Variants in FBXW4 observed in about 807,000 individuals in gnomAD.
The protein encoded by FBXW4 is F-box/WD repeat-containing protein 4.
FBXW4 carries 40 observed loss-of-function variants against 61.8 expected under a neutral mutation model. That is an observed-to-expected ratio of 0.65 (90% confidence interval 0.50 to 0.84). FBXW4 has a LOEUF of 0.84. Among genes scored for constraint, FBXW4 ranks in the 40% least tolerant of loss-of-function variants. The probability of loss-of-function intolerance (pLI) is 0.00; values close to 1 mark genes in which losing one functional copy is unlikely to be tolerated. For synonymous variants in FBXW4, 311 were observed against 313.8 expected (o/e 0.99, Z 0.10); for missense variants, 672 against 753.8 (o/e 0.89, Z 1.27).
intron 5 of FBXW4, among the ~76,000 whole-genome samples, chr10:101,658,360 C>T (rs2064210334): frequency 6.6e-6 from 1 of 152,190 alleles, no homozygotes; most frequent in African/African-American, 2.4e-5. Flanking sequence ...GCCTGCCCAA[C>T]ATGGTGAAAC....
At chr10:101,674,093 G>A (rs1269111873) in intron 2 of FBXW4, among the ~76,000 whole-genome samples, 1 of 152,058 alleles carries the variant, frequency 6.6e-6, no homozygotes, top group African/African-American at 2.4e-5. Context: ...ACTTTGGGAG[G>A]CCAAGGTGGG....
chr10:101,683,840 G>A (rs1428702576), intron 1 of FBXW4, among the ~76,000 whole-genome samples: 1 of 152,148 alleles, frequency 6.6e-6, no homozygotes, highest in African/African-American at 2.4e-5. Flanking sequence ...TGCTGATTTG[G>A]AAGGAAACTC....
chr10:101,657,277 G>A (rs373939687), intron 5 of FBXW4, among the ~76,000 whole-genome samples: 69 of 152,260 alleles, frequency 4.5e-4, no homozygotes, highest in African/African-American at 1.6e-3. Flanking sequence ...GAGGGATTTC[G>A]TCTGAGGCAC....
intron 1 of FBXW4, among the ~76,000 whole-genome samples, chr10:101,689,084 G>T (rs2064562060): frequency 1.3e-5 from 2 of 151,150 alleles, no homozygotes; most frequent in South Asian, 4.2e-4. Flanking sequence ...GTCAGTTGGG[G>T]ATTTCAGCAG....
At chr10:101,691,849 G>A (rs1190857100) in intron 1 of FBXW4, among the ~76,000 whole-genome samples, 1 of 151,998 alleles carries the variant, frequency 6.6e-6, no homozygotes, top group Non-Finnish European at 1.5e-5. Flanking sequence ...GAAGTCCCAA[G>A]GAACCATTAT....
At chr10:101,682,431 A>T (rs1388669596) in intron 1 of FBXW4, among the ~76,000 whole-genome samples, 1 of 152,146 alleles carries the variant, frequency 6.6e-6, no homozygotes, top group Non-Finnish European at 1.5e-5. Context: ...AAAAAAAAAT[A>T]GACTTCCCTG....
chr10:101,667,625 T>G (rs1259346715), intron 5 of FBXW4, among the ~76,000 whole-genome samples: 1 of 152,228 alleles, frequency 6.6e-6, no homozygotes, highest in African/African-American at 2.4e-5. Flanking sequence ...GGACTCTTAG[T>G]TATATTCTCA....
chr10:101,679,301 C>T (rs1218227305), intron 1 of FBXW4, among the ~76,000 whole-genome samples: 1 of 152,202 alleles, frequency 6.6e-6, no homozygotes. Flanking sequence ...TAATGTGGTG[C>T]TCACAATATG....
chr10:101,631,658 C>T (rs537228610), intron 5 of FBXW4, among the ~76,000 whole-genome samples: 40 of 148,852 alleles, frequency 2.7e-4, no homozygotes, highest in Non-Finnish European at 4.1e-4. Context: ...GACAGAGTCT[C>T]GCTCTGTCGC....
At chr10:101,683,011 A>G (rs1193523645) in intron 1 of FBXW4, among the ~76,000 whole-genome samples, 2 of 152,172 alleles carry the variant, frequency 1.3e-5, no homozygotes, top group African/African-American at 4.8e-5. Context: ...CACCTGAAAA[A>G]TCCAAAGAAA....
chr10:101,687,653 A>G (rs1164860290), intron 1 of FBXW4, among the ~76,000 whole-genome samples: 1 of 152,066 alleles, frequency 6.6e-6, no homozygotes, highest in Admixed American at 6.6e-5. Context: ...ATAATTTCCC[A>G]TCCCTGCCCA....
At chr10:101,666,209 C>T (rs1021857458) in intron 5 of FBXW4, among the ~76,000 whole-genome samples, 4 of 152,110 alleles carry the variant, frequency 2.6e-5, no homozygotes, top group African/African-American at 4.8e-5. Flanking sequence ...CTCTTTCCTA[C>T]GATTGCTAGA....
At chr10:101,632,434 A>G (rs571348020) in intron 5 of FBXW4, among the ~76,000 whole-genome samples, 1 of 152,292 alleles carries the variant, frequency 6.6e-6, no homozygotes, top group East Asian at 1.9e-4. Context: ...AGAGAAACAC[A>G]AAATGATTAT....
intron 5 of FBXW4, among the ~76,000 whole-genome samples, chr10:101,627,086 A>C (rs868751810): frequency 1.4e-5 from 2 of 138,736 alleles, no homozygotes; most frequent in Middle Eastern, 8.0e-3. Flanking sequence ...CAGGGGTCTC[A>C]CTATGTTGCC....
chr10:101,614,700 C>A (rs759702607), intron 6 of FBXW4, among the ~76,000 whole-genome samples: 2 of 152,174 alleles, frequency 1.3e-5, no homozygotes, highest in Non-Finnish European at 2.9e-5. Flanking sequence ...TGAAAAGATA[C>A]AATTTCTTTT....
At chr10:101,690,061 G>A (rs1043916039) in intron 1 of FBXW4, among the ~76,000 whole-genome samples, 1 of 152,196 alleles carries the variant, frequency 6.6e-6, no homozygotes, top group Non-Finnish European at 1.5e-5. Flanking sequence ...GGAGGAAGAG[G>A]ATCAAGTAAG....
chr10:101,676,368 T>C lies in FBXW4; in HGVS notation c.794A>G (p.Glu265Gly). 1.2e-6 allele frequency: 2 copies of C among 1,613,302 alleles called. No individual in the cohort carries two copies. Among genetic ancestry groups the C allele is most frequent in the Non-Finnish European group, 1.7e-6 (2 of 1,179,734 alleles). The change falls in exon 2 of 9, where the codon GAG (glutamate) becomes GGG (glycine). Residue 265 changes from glutamate (E) to glycine (G), a missense_variant. By Grantham distance (98) the Glu-to-Gly change is moderately conservative. Coordinates refer to ENST00000331272, the MANE Select transcript of FBXW4 (RefSeq NM_022039.4). ...GCATCTCCACTTCAGCAGAATCCCC[T>C]CTCGGCAGCGCCCCAGTCTCCAGTT... is the stretch of plus-strand genomic sequence containing the variant. ...SQNWRLGRCR[E>G]GILLKWRCSQ... is the part of the protein sequence containing the mutation.
intron 5 of FBXW4, among the ~76,000 whole-genome samples, chr10:101,662,629 G>A (rs555227523): frequency 6.6e-6 from 1 of 152,282 alleles, no homozygotes; most frequent in Admixed American, 6.5e-5. Flanking sequence ...TCTCTCACAC[G>A]ATAGCAAGTG....
intron 5 of FBXW4, 199 bp from the exon 6 acceptor site, chr10:101,625,009 C>G (rs1589744122): frequency 1.6e-6 from 1 of 636,306 alleles, no homozygotes; most frequent in East Asian, 2.8e-5. Flanking sequence ...CCCAGTGGTG[C>G]CTGGCCAGAA....
Sources: allele counts gnomAD v4.1 joint callset (sites outside exome capture counted in the v4.1 genomes callset), GRCh38; gene constraint gnomAD v4.1.1; transcripts MANE v1.5; gene names NCBI Gene and HGNC (gene_info 2026-07-23, HGNC 2026-07-21).